The following DDX60 variants were observed in gnomAD, a reference collection of about 807,000 sequenced individuals.
DDX60 encodes the protein probable ATP-dependent RNA helicase DDX60.
DDX60 carries 165 observed loss-of-function variants against 212.8 expected under a neutral mutation model. That is an observed-to-expected ratio of 0.78 (90% CI 0.68 to 0.88). The LOEUF is 0.88. Among genes scored for constraint, DDX60 ranks in the 40% least tolerant of loss-of-function variants. DDX60 has a pLI of 0.00. For synonymous variants in DDX60, 703 were observed against 685.3 expected (o/e 1.03, Z -0.40); for missense variants, 1,905 against 2,003.9 (o/e 0.95, Z 0.94).
chr4:168,296,591 G>T (rs1345825956), intron 6 of DDX60, among the ~76,000 whole-genome samples: 1 of 151,852 alleles, frequency 6.6e-6, no homozygotes, highest in Admixed American at 6.6e-5. Context: ...GGCAGAAAAA[G>T]ATAACATTAA....
chr4:168,244,546 C>T lies in DDX60; in HGVS notation c.4164+1872G>A, dbSNP rs183565695. 2.0e-5 allele frequency among the ~76,000 whole-genome samples: 3 copies of T among 151,978 alleles called. No individual in the cohort carries two copies. In the East Asian group the frequency reaches 5.8e-4, roughly 30 times the overall value. On this transcript the variant is annotated intron_variant, in intron 30 of 37. Transcript: ENST00000393743. ...TCGAGACCATCCTGGTCAACATGGT[C>T]AAACCCTGTCTCTACTAAAATACAA...
chr4:168,255,172 C>T (rs1168034007), intron 26 of DDX60, among the ~76,000 whole-genome samples: 1 of 152,110 alleles, frequency 6.6e-6, no homozygotes, highest in African/African-American at 2.4e-5. Context: ...AGGGGATAAA[C>T]ATTTTGGCCC....
chr4:168,232,805 G>C (rs1260510972), intron 33 of DDX60, among the ~76,000 whole-genome samples: 1 of 152,046 alleles, frequency 6.6e-6, no homozygotes, highest in Non-Finnish European at 1.5e-5. Context: ...CTTAGACAAA[G>C]GCTTCACGAC....
chr4:168,265,890 GGGAAGGGAGAAA>G (rs1734828323), intron 22 of DDX60, among the ~76,000 whole-genome samples: 3 of 110,936 alleles, frequency 2.7e-5, no homozygotes, highest in Middle Eastern at 5.1e-3. Context: ...GGGAAGGGAA[GGGAAGGGAGAAA>G]GAAAAATGAG....
Position 168,249,905 on chromosome 4 carries a change from T to C in DDX60, c.3858+1049A>G, listed in dbSNP as rs760375911. Among the ~76,000 whole-genome samples the C allele has an allele frequency of 3.3e-4, 50 of 152,206 alleles. 1 individual carries two copies. Among genetic ancestry groups the C allele is most frequent in the Admixed American group, 1.9e-3 (29 of 15,286 alleles). On this transcript the variant is annotated intron_variant, in intron 28 of 37. Coordinates refer to ENST00000393743, the MANE Select transcript of DDX60 (RefSeq NM_017631.6). ...ATGCTACCTAGAGTAGCAGAAACAA[T>C]CTCAATCTCTTTGTCTTTCTTCCTC...
At chr4:168,245,223 G>C (rs1733981166) in intron 30 of DDX60, among the ~76,000 whole-genome samples, 1 of 151,932 alleles carries the variant, frequency 6.6e-6, no homozygotes, top group Non-Finnish European at 1.5e-5. Flanking sequence ...ATTTGAAATA[G>C]AATAAAGAAA....
intron 31 of DDX60, 39 bp downstream of exon 31, chr4:168,237,652 T>C (rs371974507): frequency 4.0e-6 from 6 of 1,511,330 alleles, no homozygotes; most frequent in Non-Finnish European, 5.5e-6. Context: ...TAGATAGTAG[T>C]AATGCTATTT....
chr4:168,307,345 A>T (rs1736928332), intron 4 of DDX60, among the ~76,000 whole-genome samples: 2 of 152,354 alleles, frequency 1.3e-5, no homozygotes, highest in South Asian at 4.1e-4. Context: ...GCATATCTTT[A>T]TTTGAAATTG....
intron 12 of DDX60, among the ~76,000 whole-genome samples, 184 bp downstream of exon 12, chr4:168,284,636 C>T (rs73863027): frequency 2.0e-5 from 3 of 152,142 alleles, no homozygotes; most frequent in African/African-American, 7.2e-5. Context: ...TACATACGTA[C>T]GACTGTCAAT....
intron 29 of DDX60, among the ~76,000 whole-genome samples, chr4:168,247,129 G>A (rs1734051049): frequency 6.6e-6 from 1 of 152,150 alleles, no homozygotes; most frequent in Non-Finnish European, 1.5e-5. Context: ...AGCAAGTTAT[G>A]AATAAACTCT....
intron 3 of DDX60, among the ~76,000 whole-genome samples, chr4:168,310,553 G>C (rs1049585857): frequency 9.9e-5 from 15 of 152,150 alleles, no homozygotes; most frequent in Admixed American, 6.6e-4. Context: ...TAAGCAGGTG[G>C]CATTACGATG....
At chr4:168,274,373 T>TC in intron 16 of DDX60, among the ~76,000 whole-genome samples, 1 of 152,278 alleles carries the variant, frequency 6.6e-6, no homozygotes, top group South Asian at 2.1e-4. Context: ...GAAACTAAGT[T>TC]CTAAGAAAGA....
At chr4:168,286,416 A>ACACACACACACACC (rs774764702) in intron 10 of DDX60, among the ~76,000 whole-genome samples, 4,237 of 115,710 alleles carry the variant, frequency 0.037, 144 homozygotes, top group African/African-American at 0.11. Context: ...ACACACACAC[A>ACACACACACACACC]CCACACGAGA....
At chr4:168,297,638 T>G (rs998203479) in intron 6 of DDX60, among the ~76,000 whole-genome samples, 2 of 152,104 alleles carry the variant, frequency 1.3e-5, no homozygotes, top group Admixed American at 6.5e-5. Flanking sequence ...AAAACAAAAC[T>G]GGGCCAGGTG....
At chr4:168,250,350 T>C (rs1022364512) in intron 28 of DDX60, among the ~76,000 whole-genome samples, 1 of 152,002 alleles carries the variant, frequency 6.6e-6, no homozygotes, top group African/African-American at 2.4e-5. Flanking sequence ...GAGACCAGCC[T>C]GACCAGCATG....
intron 26 of DDX60, among the ~76,000 whole-genome samples, chr4:168,255,009 A>T (rs1338926946): frequency 4.6e-5 from 7 of 152,208 alleles, no homozygotes; most frequent in Admixed American, 4.6e-4. Context: ...AATTTAATCA[A>T]TTCAAATGTG....
intron 33 of DDX60, among the ~76,000 whole-genome samples, chr4:168,232,410 A>G (rs1733485794): frequency 6.6e-6 from 1 of 152,016 alleles, no homozygotes; most frequent in African/African-American, 2.4e-5. Flanking sequence ...TCAAAGGAAA[A>G]CTAAGCAAAA....
At position 168,275,742 on chromosome 4, in the gene DDX60, C is replaced by T. The variant is rs148058299; in HGVS notation, c.2146-239G>A. ...ATTTAAAGACAATTGAATAATCACA[C>T]TAGTTTTGAGATGTTTTGCTAGAAT... On this transcript the variant is annotated intron_variant, in intron 15 of 37. Coordinates refer to ENST00000393743, the MANE Select transcript of DDX60 (RefSeq NM_017631.6). Among the ~76,000 whole-genome samples the T allele has an allele frequency of 5.7e-3, 861 of 152,142 alleles. 8 individuals carry two copies. The highest frequency in any genetic ancestry group is 0.02 in the African/African-American group (817 of 41,502).
chr4:168,279,264 A>G (rs1318231318), intron 14 of DDX60, among the ~76,000 whole-genome samples: 3 of 152,220 alleles, frequency 2.0e-5, no homozygotes, highest in Non-Finnish European at 4.4e-5. Flanking sequence ...GTGAAAAAAT[A>G]CTTGAAAGAG....
Sources: allele counts gnomAD v4.1 joint callset (sites outside exome capture counted in the v4.1 genomes callset), GRCh38; gene constraint gnomAD v4.1.1; transcripts MANE v1.5; gene names NCBI Gene and HGNC (gene_info 2026-07-23, HGNC 2026-07-21).